ASCC3: variants seen among roughly 807,000 people sequenced by gnomAD.
ASCC3 encodes activating signal cointegrator 1 complex subunit 3, also known as ASC-1 complex subunit P200.
Under a neutral mutation model 256.3 loss-of-function variants are expected in ASCC3, and 158 were observed. The ratio of observed to expected loss-of-function variants is 0.62; its 90% confidence interval spans 0.54 to 0.70. The LOEUF (loss-of-function observed/expected upper bound fraction) is 0.70. Ranked by LOEUF, ASCC3 falls within the 30% of genes least tolerant of loss-of-function variation. The probability of loss-of-function intolerance (pLI) is 0.00; values close to 1 mark genes in which losing one functional copy is unlikely to be tolerated. For missense variants in ASCC3, 2,259 were observed against 2,626.0 expected (o/e 0.86, Z 3.05); for synonymous variants, 948 against 883.4 (o/e 1.07, Z -1.30).
In ASCC3 at chr6:100,770,073, A is replaced by C. The variant is rs183694553; in HGVS notation, c.1396-2728T>G. The stretch of plus-strand genomic sequence containing the variant: ...AACTATTTCAAAAAAAATGTAAAAA[A>C]AGGAATACTCCCCAAATCATTCTAA... On this transcript the variant is annotated intron_variant, in intron 8 of 41. Transcript: ENST00000369162. 1.3e-3 allele frequency among the ~76,000 whole-genome samples: 204 copies of C among 152,100 alleles called. 1 individual carries two copies. The highest frequency in any genetic ancestry group is 4.3e-3 in the African/African-American group (178 of 41,566).
intron 19 of ASCC3, among the ~76,000 whole-genome samples, chr6:100,651,159 A>G (rs1320556872): frequency 6.6e-6 from 1 of 151,866 alleles, no homozygotes; most frequent in African/African-American, 2.4e-5. Context: ...ATGAAGTACT[A>G]TGATTCAAAG....
chr6:100,739,883 G>T (rs1017718727), intron 10 of ASCC3, among the ~76,000 whole-genome samples: 4 of 151,966 alleles, frequency 2.6e-5, no homozygotes, highest in African/African-American at 4.8e-5. Flanking sequence ...TAAAAAAACA[G>T]CTCCTGGATT....
At chr6:100,693,577 A>G (rs1253936916) in intron 13 of ASCC3, among the ~76,000 whole-genome samples, 8 of 152,228 alleles carry the variant, frequency 5.3e-5, no homozygotes, top group Admixed American at 4.6e-4. Flanking sequence ...CACTTAGTAT[A>G]GACAATTAGT....
intron 37 of ASCC3, among the ~76,000 whole-genome samples, chr6:100,524,613 C>T (rs1478293769): frequency 6.6e-6 from 1 of 151,902 alleles, no homozygotes; most frequent in African/African-American, 2.4e-5. Context: ...AGCTCTAAGG[C>T]TCATTATTTT....
At chr6:100,659,103 T>C (rs1776062770) in intron 16 of ASCC3, among the ~76,000 whole-genome samples, 3 of 151,368 alleles carry the variant, frequency 2.0e-5, no homozygotes, top group Admixed American at 2.0e-4. Flanking sequence ...TAATAATTTC[T>C]CCAGTTCTCC....
intron 10 of ASCC3, among the ~76,000 whole-genome samples, chr6:100,763,621 G>A (rs928566944): frequency 6.6e-6 from 1 of 152,088 alleles, no homozygotes; most frequent in African/African-American, 2.4e-5. Flanking sequence ...GGGAATGTAA[G>A]GGAACCTTAG....
intron 10 of ASCC3, among the ~76,000 whole-genome samples, chr6:100,742,908 C>T (rs1780502081): frequency 2.6e-5 from 4 of 152,210 alleles, no homozygotes; most frequent in African/African-American, 9.6e-5. Flanking sequence ...TGCTGCTTGG[C>T]TTCCTGGATT....
In ASCC3 at chr6:100,800,290, C is replaced by T. The variant is rs1562305715; in HGVS notation, c.1127+10G>A. The stretch of plus-strand genomic sequence containing the variant: ...AACACAAGCATTTTTCAGCTCCTGG[C>T]TTTTATTACCTTTGTATCCGCAATT... On this transcript the variant is annotated intron_variant, in intron 6 of 41. Transcript: ENST00000369162. 3 of 1,612,188 alleles carry T rather than the reference C, an allele frequency of 1.9e-6. No individual in the cohort carries two copies. The Admixed American group carries it at 5.0e-5, about 27-fold the overall frequency.
intron 4 of ASCC3, among the ~76,000 whole-genome samples, chr6:100,835,694 T>G (rs1771842585): frequency 1.3e-5 from 2 of 152,140 alleles, no homozygotes; most frequent in South Asian, 4.1e-4. Context: ...TATTTTGAGG[T>G]CTGGTAGTGT....
At position 100,508,694 on chromosome 6, in the gene ASCC3, T is replaced by C. The variant is rs1773614438; in HGVS notation, c.*692A>G. On this transcript the variant is annotated 3_prime_UTR_variant, in exon 42 of 42. Transcript: ENST00000369162. The stretch of plus-strand genomic sequence containing the variant: ...GAAGAACAGATGAGTAAGGGGATAT[T>C]ATTTAAAGGAAGCAGAAGAAAACAT... 6.6e-6 allele frequency: 1 copy of C among 152,208 alleles called. No homozygotes were observed. The highest frequency in any genetic ancestry group is 1.5e-5 in the Non-Finnish European group (1 of 68,052). The allele number at this position is 152,208 out of a possible 1,614,324, so 9.4% of individuals were successfully genotyped here.
At chr6:100,558,105 C>A (rs1246868719) in intron 36 of ASCC3, among the ~76,000 whole-genome samples, 6 of 148,680 alleles carry the variant, frequency 4.0e-5, no homozygotes, top group Non-Finnish European at 8.9e-5. Flanking sequence ...AAGAAATGTT[C>A]ATATTTTGGT....
intron 4 of ASCC3, among the ~76,000 whole-genome samples, chr6:100,835,114 C>A (rs1045558432): frequency 1.3e-4 from 19 of 151,406 alleles, no homozygotes; most frequent in African/African-American, 2.7e-4. Context: ...CTGATTCTTA[C>A]CAATTGAAGA....
chr6:100,622,292 A>C (rs913931656), intron 30 of ASCC3, among the ~76,000 whole-genome samples: 1 of 152,088 alleles, frequency 6.6e-6, no homozygotes, highest in African/African-American at 2.4e-5. Context: ...GAGGTAATTG[A>C]ATCATGGGGG....
At chr6:100,873,021 G>A (rs912882027) in intron 1 of ASCC3, among the ~76,000 whole-genome samples, 3 of 151,792 alleles carry the variant, frequency 2.0e-5, no homozygotes, top group African/African-American at 4.8e-5. Context: ...CACCAACAAT[G>A]GATCCAAACC....
intron 4 of ASCC3, among the ~76,000 whole-genome samples, chr6:100,828,449 G>C (rs1041609758): frequency 6.6e-6 from 1 of 152,140 alleles, no homozygotes; most frequent in Non-Finnish European, 1.5e-5. Flanking sequence ...TATTGTGTCC[G>C]GAATTGGTGG....
intron 25 of ASCC3, among the ~76,000 whole-genome samples, chr6:100,632,813 A>G (rs560852010): frequency 2.4e-4 from 36 of 152,306 alleles, no homozygotes; most frequent in African/African-American, 8.4e-4. Context: ...TACAAAAATT[A>G]ACTCACAATG....
At chr6:100,585,574 T>A (rs1490411632) in intron 36 of ASCC3, among the ~76,000 whole-genome samples, 1 of 152,218 alleles carries the variant, frequency 6.6e-6, no homozygotes, top group East Asian at 1.9e-4. Flanking sequence ...ACTTCTTCTC[T>A]CAAATCATCA....
At chr6:100,525,753 G>C (rs1182462905) in intron 37 of ASCC3, among the ~76,000 whole-genome samples, 1 of 152,028 alleles carries the variant, frequency 6.6e-6, no homozygotes, top group Non-Finnish European at 1.5e-5. Flanking sequence ...ATAGGTTCTA[G>C]GTATATGGGA....
At chr6:100,596,800 C>T (rs1009204828) in intron 34 of ASCC3, among the ~76,000 whole-genome samples, 1 of 152,012 alleles carries the variant, frequency 6.6e-6, no homozygotes, top group African/African-American at 2.4e-5. Flanking sequence ...CCCATCTGTC[C>T]CCTGCTCAAA....
Sources: allele counts gnomAD v4.1 joint callset (sites outside exome capture counted in the v4.1 genomes callset), GRCh38; gene constraint gnomAD v4.1.1; transcripts MANE v1.5; gene names NCBI Gene and HGNC (gene_info 2026-07-23, HGNC 2026-07-21).